Variants in FFAR4 observed in about 807,000 individuals in gnomAD.
FFAR4 encodes the protein free fatty acid receptor 4, also known as G-protein coupled receptor 120.
A neutral mutation model predicts 27.0 loss-of-function variants in FFAR4; 19 were observed. The ratio of observed to expected loss-of-function variants is 0.70; its 90% CI spans 0.49 to 1.03. The LOEUF (loss-of-function observed/expected upper bound fraction) is 1.03. Among genes scored for constraint, FFAR4 ranks in the 50% least tolerant of loss-of-function variants. The pLI, the probability that FFAR4 is intolerant of heterozygous loss-of-function variation, is 0.00. For missense variants in FFAR4, 476 were observed against 479.0 expected (o/e 0.99, Z 0.06); for synonymous variants, 254 against 215.6 (o/e 1.18, Z -1.56).
In FFAR4 at chr10:93,566,928, CGCCGCGG is replaced by C. The variant is rs2058100251; in HGVS notation, c.209_215del (p.Arg70ProfsTer46). ...CCTGGTGCTGGTGGCGCGCCGACGACGCCGCGGCGCGACTGCCTGCCTGGTACTCAAC... is the reference window on the plus strand; with the variant it reads ...CCTGGTGCTGGTGGCGCGCCGACGACCGCGACTGCCTGCCTGGTACTCAAC... On this transcript the variant is annotated frameshift_variant, in exon 1 of 3. Coordinates refer to ENST00000371481, the MANE Select transcript of FFAR4 (RefSeq NM_001195755.2). LOFTEE classifies it high-confidence loss of function. 4 of 1,609,648 alleles carry C rather than the reference CGCCGCGG, an allele frequency of 2.5e-6. No homozygotes were observed. In the East Asian group the frequency reaches 8.9e-5, roughly 36 times the overall value.
chr10:93,571,233 C>T (rs1266917735), intron 1 of FFAR4, among the ~76,000 whole-genome samples: 1 of 152,146 alleles, frequency 6.6e-6, no homozygotes, highest in Non-Finnish European at 1.5e-5. Flanking sequence ...GGGCAGTGAC[C>T]CACATCGGCA....
In FFAR4 at chr10:93,576,286, A is replaced by G. The variant is rs2058163560; in HGVS notation, c.696+67A>G. ...TTGGGGTTATTTCTGCTAGAATCTT[A>G]GAATTTGGGGTCGGAGAACACCTAA... On this transcript the variant is annotated intron_variant, in intron 2 of 2. Coordinates refer to ENST00000371481, the MANE Select transcript of FFAR4 (RefSeq NM_001195755.2). 5 of 1,575,642 alleles carry G rather than the reference A, an allele frequency of 3.2e-6. No homozygotes were observed. In the Admixed American group the frequency reaches 8.4e-5, roughly 26 times the overall value.
At chr10:93,584,712 T>TG (rs897480280) in intron 2 of FFAR4, among the ~76,000 whole-genome samples, 2 of 145,296 alleles carry the variant, frequency 1.4e-5, no homozygotes, top group African/African-American at 5.5e-5. Flanking sequence ...TACAAGTTTT[T>TG]GTTTTTTTTT....
Position 93,589,245 on chromosome 10 carries a change from G to A in FFAR4, c.*1636G>A, listed in dbSNP as rs2134561538. ...AGTTTATTCTGTTCTCCAAGCCCCT[G>A]GAGGTTGGCAACTGGAGGCTGACGT... On this transcript the variant is annotated 3_prime_UTR_variant, in exon 3 of 3. Coordinates refer to ENST00000371481, the MANE Select transcript of FFAR4 (RefSeq NM_001195755.2). 1 of 152,508 alleles carries A rather than the reference G, an allele frequency of 6.6e-6. No homozygotes were observed. The highest frequency in any genetic ancestry group is 1.9e-4 in the East Asian group (1 of 5,176). 9.4% of individuals were successfully genotyped at this position (152,508 alleles called of 1,614,324 possible).
At chr10:93,575,044 A>G (rs1306518829) in intron 1 of FFAR4, among the ~76,000 whole-genome samples, 3 of 152,232 alleles carry the variant, frequency 2.0e-5, no homozygotes, top group South Asian at 4.1e-4. Context: ...AGAGCGTTCA[A>G]TGAATATTGG....
chr10:93,567,270 C>G lies in FFAR4; in HGVS notation c.550C>G (p.Leu184Val). 1 of 1,599,438 alleles carries G rather than the reference C, an allele frequency of 6.3e-7. No individual in the cohort carries two copies. Among genetic ancestry groups the G allele is most frequent in the Non-Finnish European group, 8.5e-7 (1 of 1,179,542 alleles). Reference sequence around the variant, plus strand: ...CTTCTTCCGAGTCGTCCCGCAACGGCTCCCCGGCGCCGACCAGGTGAGCGC... The same window carrying G: ...CTTCTTCCGAGTCGTCCCGCAACGGGTCCCCGGCGCCGACCAGGTGAGCGC... ...CVFFRVVPQR[L>V]PGADQEISIC... Residue 184 changes from leucine to valine, a missense_variant, in exon 1 of 3, where the codon CTC (leucine) becomes GTC (valine). Leu to Val is a conservative substitution (Grantham distance 32). Coordinates refer to ENST00000371481, the MANE Select transcript of FFAR4 (RefSeq NM_001195755.2).
At chr10:93,585,807 C>G (rs1474820054) in intron 2 of FFAR4, among the ~76,000 whole-genome samples, 1 of 152,202 alleles carries the variant, frequency 6.6e-6, no homozygotes, top group African/African-American at 2.4e-5. Flanking sequence ...CCTTCCCACA[C>G]CCACTCCCAC....
intron 1 of FFAR4, among the ~76,000 whole-genome samples, chr10:93,572,243 GT>G (rs764439233): frequency 4.6e-5 from 7 of 152,210 alleles, no homozygotes; most frequent in Non-Finnish European, 8.8e-5. Flanking sequence ...GGTGTGGGGA[GT>G]CCAGGAAGCT....
chr10:93,569,866 C>T (rs1311272697), intron 1 of FFAR4, among the ~76,000 whole-genome samples: 1 of 151,700 alleles, frequency 6.6e-6, no homozygotes, highest in Non-Finnish European at 1.5e-5. Flanking sequence ...GGAGACAAGC[C>T]TGGCCAACGT....
At chr10:93,581,208 G>A (rs2058195526) in intron 2 of FFAR4, among the ~76,000 whole-genome samples, 1 of 152,202 alleles carries the variant, frequency 6.6e-6, no homozygotes, top group Admixed American at 6.5e-5. Context: ...GCTTGCAGAT[G>A]GAAAACCCTC....
chr10:93,570,217 C>T (rs909621021), intron 1 of FFAR4, among the ~76,000 whole-genome samples: 2 of 151,450 alleles, frequency 1.3e-5, no homozygotes, highest in African/African-American at 2.4e-5. Flanking sequence ...CACACTTTCA[C>T]ACCTACCTGC....
chr10:93,579,576 T>C (rs2134550382), intron 2 of FFAR4, among the ~76,000 whole-genome samples: 1 of 152,358 alleles, frequency 6.6e-6, no homozygotes, highest in Middle Eastern at 3.4e-3. Context: ...TCATATTCAA[T>C]TTATGACAGT....
chr10:93,567,375 GAAC>G (rs1019221827), intron 1 of FFAR4, 88 bp downstream of exon 1: 23 of 1,154,164 alleles, frequency 2.0e-5, no homozygotes, highest in African/African-American at 6.1e-5. Flanking sequence ...GGATGATCAA[GAAC>G]AACAATAGCC....
At chr10:93,579,563 C>G (rs1285308430) in intron 2 of FFAR4, among the ~76,000 whole-genome samples, 1 of 152,226 alleles carries the variant, frequency 6.6e-6, no homozygotes, top group Non-Finnish European at 1.5e-5. Flanking sequence ...CTTACTACAC[C>G]TGTCATATTC....
At chr10:93,586,069 G>A (rs1028082891) in intron 2 of FFAR4, among the ~76,000 whole-genome samples, 4 of 152,156 alleles carry the variant, frequency 2.6e-5, no homozygotes, top group Admixed American at 6.5e-5. Flanking sequence ...AACCTGTAGG[G>A]GAGTGATATG....
chr10:93,575,350 A>G (rs2058157648), intron 1 of FFAR4, among the ~76,000 whole-genome samples: 1 of 152,224 alleles, frequency 6.6e-6, no homozygotes, highest in Admixed American at 6.5e-5. Context: ...TGCAGAAGCT[A>G]TTTGTAACTA....
chr10:93,577,937 C>T (rs533676497), intron 2 of FFAR4, among the ~76,000 whole-genome samples: 9 of 152,090 alleles, frequency 5.9e-5, no homozygotes, highest in Non-Finnish European at 8.8e-5. Flanking sequence ...GGCTAAAAAC[C>T]GAGCAAGACA....
At chr10:93,580,955 G>C (rs1048793824) in intron 2 of FFAR4, among the ~76,000 whole-genome samples, 3 of 152,238 alleles carry the variant, frequency 2.0e-5, no homozygotes, top group Non-Finnish European at 4.4e-5. Flanking sequence ...GGATCAGGCT[G>C]TCACCACTGT....
chr10:93,572,758 T>A lies in FFAR4; in HGVS notation c.568-3333T>A, dbSNP rs972108841. Among the ~76,000 whole-genome samples, 4 of 152,146 alleles carry A rather than the reference T, an allele frequency of 2.6e-5. No homozygotes were observed. The East Asian group carries it at 7.7e-4, about 29-fold the overall frequency. The stretch of plus-strand genomic sequence containing the variant: ...TGAGGATGGGACCTTCAAAGCTTAA[T>A]GCGCCTATGAGGCCTCCTGCTGAGA... On this transcript the variant is annotated intron_variant, in intron 1 of 2. Transcript: ENST00000371481.
Sources: allele counts gnomAD v4.1 joint callset (sites outside exome capture counted in the v4.1 genomes callset), GRCh38; gene constraint gnomAD v4.1.1; transcripts MANE v1.5; gene names NCBI Gene and HGNC (gene_info 2026-07-23, HGNC 2026-07-21).